The following NBAS variants were observed in gnomAD, a reference collection of about 807,000 sequenced individuals.
NBAS encodes NAG/BC035112 fusion.
In NBAS, 219 loss-of-function variants were observed where a neutral mutation model predicts 302.5. The ratio of observed to expected loss-of-function variants is 0.72; its 90% CI spans 0.65 to 0.81. The LOEUF (loss-of-function observed/expected upper bound fraction) is 0.81. NBAS is among the 30% of genes least tolerant of loss of function. NBAS has a pLI of 0.00. For synonymous variants in NBAS, 1,118 were observed against 1,021.6 expected, an observed-to-expected ratio of 1.09 and a Z score of -1.80; for missense variants, 2,932 against 2,841.6, an observed-to-expected ratio of 1.03 and a Z score of -0.72.
At chr2:15,320,370 T>C (rs1253606672) in intron 38 of NBAS, among the ~76,000 whole-genome samples, 1 of 152,134 alleles carries the variant, frequency 6.6e-6, no homozygotes, top group Non-Finnish European at 1.5e-5. Flanking sequence ...CCACACCTAT[T>C]CAACATAGTG....
At chr2:15,395,927 T>G (rs1322046278) in intron 27 of NBAS, among the ~76,000 whole-genome samples, 1 of 152,152 alleles carries the variant, frequency 6.6e-6, no homozygotes, top group Non-Finnish European at 1.5e-5. Flanking sequence ...CCTCCAGTGT[T>G]GCATGAGGGT....
At chr2:15,514,545 A>T (rs2160693) in intron 9 of NBAS, among the ~76,000 whole-genome samples, 96,744 of 151,810 alleles carry the variant, frequency 0.64, 31,552 homozygotes, top group Non-Finnish European at 0.68. Context: ...ATAAACTATA[A>T]CAATATCACT....
At chr2:14,871,619 A>G in the NBAS span, among the ~76,000 whole-genome samples, 9 of 152,110 alleles carry the variant, frequency 5.9e-5, no homozygotes, top group African/African-American at 1.9e-4. Flanking sequence ...TGTGGAAGTA[A>G]AATGTATAAT....
chr2:15,296,600 G>A (rs1670561101), intron 40 of NBAS, among the ~76,000 whole-genome samples: 1 of 151,902 alleles, frequency 6.6e-6, no homozygotes, highest in Non-Finnish European at 1.5e-5. Flanking sequence ...GTTCTACGAG[G>A]CTGGAGGCTC....
At chr2:14,927,850 G>T in the NBAS span, among the ~76,000 whole-genome samples, 4 of 152,140 alleles carry the variant, frequency 2.6e-5, no homozygotes, top group Non-Finnish European at 5.9e-5. Flanking sequence ...ATCTTCTTTG[G>T]AGAAATGTCT....
At chr2:15,263,773 T>C (rs1668953963) in intron 44 of NBAS, among the ~76,000 whole-genome samples, 2 of 152,182 alleles carry the variant, frequency 1.3e-5, no homozygotes, top group Non-Finnish European at 2.9e-5. Context: ...ACTCTATTAT[T>C]AACCATTTCT....
At chr2:14,852,773 C>T in the NBAS span, among the ~76,000 whole-genome samples, 8 of 146,920 alleles carry the variant, frequency 5.4e-5, no homozygotes, top group East Asian at 1.0e-3. Flanking sequence ...TGCCGCATAC[C>T]TACAACTATC....
At chr2:15,009,637 C>CACACACAT in the NBAS span, among the ~76,000 whole-genome samples, 1 of 138,642 alleles carries the variant, frequency 7.2e-6, no homozygotes, top group Admixed American at 7.1e-5. Flanking sequence ...CACACACACA[C>CACACACAT]ATATACACAT....
At chr2:15,388,695 T>C (rs1675433581) in intron 28 of NBAS, among the ~76,000 whole-genome samples, 1 of 152,148 alleles carries the variant, frequency 6.6e-6, no homozygotes, top group Non-Finnish European at 1.5e-5. Context: ...AATGTATTCA[T>C]AGCAGTAGTA....
the NBAS span, among the ~76,000 whole-genome samples, chr2:14,832,636 AG>A: frequency 2.0e-5 from 3 of 152,164 alleles, no homozygotes; most frequent in Non-Finnish European, 4.4e-5. Flanking sequence ...GCAGCCTCTG[AG>A]GGGATAGCCA....
the NBAS span, among the ~76,000 whole-genome samples, chr2:14,792,719 T>C: frequency 6.6e-6 from 1 of 150,602 alleles, no homozygotes; most frequent in Non-Finnish European, 1.5e-5. Flanking sequence ...CCAAACATAA[T>C]AGACAAAATG....
At chr2:14,983,758 T>C in the NBAS span, among the ~76,000 whole-genome samples, 1 of 152,172 alleles carries the variant, frequency 6.6e-6, no homozygotes, top group South Asian at 2.1e-4. Flanking sequence ...AGGTTTGAGA[T>C]AAAGGAAGAC....
chr2:15,002,963 C>T, the NBAS span, among the ~76,000 whole-genome samples: 95 of 152,392 alleles, frequency 6.2e-4, no homozygotes, highest in African/African-American at 2.2e-3. Context: ...CGGCCTTGGC[C>T]AGCCCAGAAG....
rs564192837 is a variant in NBAS, at chr2:15,532,527, T to C, written c.746+2016A>G. ...AAAAAAAAACTATAAAATTATGATA[T>C]AACAGGATTTAACATATAACAGGAG... is the stretch of plus-strand genomic sequence containing the variant. On this transcript the variant is annotated intron_variant, in intron 9 of 51. Transcript: ENST00000281513. Among the ~76,000 whole-genome samples the C allele has an allele frequency of 1.9e-4, 27 of 144,986 alleles. 1 individual carries two copies. The highest frequency in any genetic ancestry group is 1.7e-3 in the Admixed American group (25 of 14,504).
intron 30 of NBAS, among the ~76,000 whole-genome samples, chr2:15,375,153 C>G (rs544241794): frequency 2.0e-4 from 31 of 152,200 alleles, no homozygotes; most frequent in African/African-American, 7.2e-4. Flanking sequence ...AATGTGATGT[C>G]TCAAAAGAAA....
chr2:15,410,699 C>T (rs1414165254), intron 25 of NBAS, among the ~76,000 whole-genome samples: 1 of 152,152 alleles, frequency 6.6e-6, no homozygotes, highest in African/African-American at 2.4e-5. Flanking sequence ...ATTAAAACAC[C>T]TACTGTATAA....
chr2:15,345,099 A>T (rs1052513999), intron 35 of NBAS, among the ~76,000 whole-genome samples: 3 of 152,224 alleles, frequency 2.0e-5, no homozygotes, highest in Non-Finnish European at 2.9e-5. Context: ...AACTGGTACA[A>T]GACAAGGATG....
At chr2:15,148,114 G>A in the NBAS span, among the ~76,000 whole-genome samples, 1 of 152,288 alleles carries the variant, frequency 6.6e-6, no homozygotes, top group Middle Eastern at 3.4e-3. Flanking sequence ...CAACCAGACT[G>A]GGAGGAGGAG....
intron 30 of NBAS, among the ~76,000 whole-genome samples, chr2:15,375,354 C>T (rs548255415): frequency 6.6e-6 from 1 of 152,246 alleles, no homozygotes; most frequent in Admixed American, 6.5e-5. Flanking sequence ...AAATGTTTCA[C>T]TTGATGAATA....
Sources: allele counts gnomAD v4.1 joint callset (sites outside exome capture counted in the v4.1 genomes callset), GRCh38; gene constraint gnomAD v4.1.1; transcripts MANE v1.5; gene names NCBI Gene and HGNC (gene_info 2026-07-23, HGNC 2026-07-21).